RAB40B: variants seen among roughly 807,000 people sequenced by gnomAD.
RAB40B encodes the protein ras-related protein Rab-40B.
A neutral mutation model predicts 24.0 loss-of-function variants in RAB40B; 21 were observed. The ratio of observed to expected loss-of-function variants is 0.88; its 90% CI spans 0.62 to 1.26. The LOEUF is 1.26. Ranked by LOEUF, RAB40B falls within the 50% of genes most tolerant of loss-of-function variation. The pLI is 0.00. For missense variants in RAB40B, 348 were observed against 390.5 expected (o/e 0.89, Z 0.92); for synonymous variants, 167 against 169.8 (o/e 0.98, Z 0.13).
intron 1 of RAB40B, among the ~76,000 whole-genome samples, chr17:82,689,538 C>G (rs1369481130): frequency 1.3e-5 from 2 of 152,198 alleles, no homozygotes; most frequent in Non-Finnish European, 2.9e-5. Flanking sequence ...CTGCAGGACA[C>G]AGGCGAGGTG....
At chr17:82,664,145 T>G (rs1598297432) in intron 2 of RAB40B, among the ~76,000 whole-genome samples, 6 of 24,486 alleles carry the variant, frequency 2.5e-4, no homozygotes, top group East Asian at 1.1e-3. Flanking sequence ...GTGCCGATGG[T>G]GGTGGTGGGA....
chr17:82,662,151 C>A, intron 2 of RAB40B: 1 of 985,458 alleles, frequency 1.0e-6, no homozygotes, highest in African/African-American at 1.7e-5. Flanking sequence ...TCGGTGACCA[C>A]CCTCAGCACG....
At chr17:82,688,289 G>A (rs2046522451) in intron 1 of RAB40B, among the ~76,000 whole-genome samples, 1 of 151,122 alleles carries the variant, frequency 6.6e-6, no homozygotes, top group Non-Finnish European at 1.5e-5. Flanking sequence ...ACAGGTGTGA[G>A]CCACCATGCC....
intron 1 of RAB40B, among the ~76,000 whole-genome samples, chr17:82,695,986 C>T (rs1204024376): frequency 6.6e-6 from 1 of 152,104 alleles, no homozygotes; most frequent in Non-Finnish European, 1.5e-5. Flanking sequence ...TCTCCTGCCT[C>T]AGCCTCCCGA....
At chr17:82,671,383 CAT>C (rs2046331604) in intron 1 of RAB40B, among the ~76,000 whole-genome samples, 1 of 151,106 alleles carries the variant, frequency 6.6e-6, no homozygotes, top group African/African-American at 2.4e-5. Flanking sequence ...CTCTCACACA[CAT>C]CCTGTACTCA....
At chr17:82,689,356 C>T (rs993338395) in intron 1 of RAB40B, among the ~76,000 whole-genome samples, 20 of 152,214 alleles carry the variant, frequency 1.3e-4, no homozygotes, top group African/African-American at 3.4e-4. Flanking sequence ...GACTCAGGGG[C>T]GATGGGTGGG....
At chr17:82,682,970 C>T (rs574613967) in intron 1 of RAB40B, among the ~76,000 whole-genome samples, 1 of 152,164 alleles carries the variant, frequency 6.6e-6, no homozygotes, top group Non-Finnish European at 1.5e-5. Context: ...AGGTAAAACC[C>T]TGTCTCTATT....
chr17:82,675,544 C>G lies in RAB40B; in HGVS notation c.143-10988G>C, dbSNP rs2046386330. Among the ~76,000 whole-genome samples, 1 of 152,112 alleles carries G rather than the reference C, an allele frequency of 6.6e-6. No homozygotes were observed. The highest frequency in any genetic ancestry group is 2.4e-5 in the African/African-American group (1 of 41,408). Reference sequence around the variant, plus strand: ...CAGTGGGGTTGCTATAATGAAAATACCATAAGCTAGGCAGCTCCTAAACAA... The same window carrying G: ...CAGTGGGGTTGCTATAATGAAAATAGCATAAGCTAGGCAGCTCCTAAACAA... On this transcript the variant is annotated intron_variant, in intron 1 of 5. Transcript: ENST00000571995. This position sits in a 1 kb window ranked among gnomAD's most constrained non-coding sequence, Gnocchi z 4.5.
At position 82,697,871 on chromosome 17, in the gene RAB40B, T is replaced by G. The variant is rs1598323401; in HGVS notation, c.142+584A>C. Among the ~76,000 whole-genome samples the G allele has an allele frequency of 6.6e-6, 1 of 152,146 alleles. No individual in the cohort carries two copies. The highest frequency in any genetic ancestry group is 2.4e-5 in the African/African-American group (1 of 41,440). On this transcript the variant is annotated intron_variant, in intron 1 of 5. Coordinates refer to ENST00000571995, the MANE Select transcript of RAB40B (RefSeq NM_006822.3). This position sits in a 1 kb window ranked among gnomAD's most constrained non-coding sequence, Gnocchi z 4.9. ...TCCCCTCTTCCGCACGCGAGTCACCTGTGCTCCTTCCTCTCCCCCGGACAC... is the reference window on the plus strand; with the variant it reads ...TCCCCTCTTCCGCACGCGAGTCACCGGTGCTCCTTCCTCTCCCCCGGACAC...
chr17:82,673,677 T>G (rs1044739957), intron 1 of RAB40B, among the ~76,000 whole-genome samples: 1 of 152,242 alleles, frequency 6.6e-6, no homozygotes, highest in Non-Finnish European at 1.5e-5. Context: ...ACCCTCTGAA[T>G]GCAACCTGGT....
Position 82,675,768 on chromosome 17 carries a change from A to G in RAB40B, c.143-11212T>C, listed in dbSNP as rs1454649668. Among the ~76,000 whole-genome samples the G allele has an allele frequency of 6.6e-6, 1 of 152,134 alleles. No individual in the cohort carries two copies. Among genetic ancestry groups the G allele is most frequent in the Non-Finnish European group, 1.5e-5 (1 of 68,022 alleles). On this transcript the variant is annotated intron_variant, in intron 1 of 5. Coordinates refer to ENST00000571995, the MANE Select transcript of RAB40B (RefSeq NM_006822.3). This position sits in a 1 kb window ranked among gnomAD's most constrained non-coding sequence, Gnocchi z 4.5. ...CCCCACGTGACCTAATCATCTTCCA[A>G]TAGCCCCATCTTCTAACACCATCAC... is the stretch of plus-strand genomic sequence containing the variant.
At chr17:82,689,882 G>T (rs1419723072) in intron 1 of RAB40B, among the ~76,000 whole-genome samples, 2 of 151,226 alleles carry the variant, frequency 1.3e-5, no homozygotes, top group Admixed American at 1.3e-4. Context: ...GCAGAGAATT[G>T]CTTGGACCCA....
rs1367208395 is a variant in RAB40B at position 82,692,847 on chromosome 17, G to A, written c.142+5608C>T. On this transcript the variant is annotated intron_variant, in intron 1 of 5. Coordinates refer to ENST00000571995, the MANE Select transcript of RAB40B (RefSeq NM_006822.3). This position sits in a 1 kb window ranked among gnomAD's most constrained non-coding sequence, Gnocchi z 4.0. ...ACCACTGAAGGAGTGGAAAGGTGAC[G>A]TGCAGATGAGAGTGGCTATCCAGGA... Among the ~76,000 whole-genome samples, 1 of 152,142 alleles carries A rather than the reference G, an allele frequency of 6.6e-6. No individual in the cohort carries two copies. The highest frequency in any genetic ancestry group is 1.5e-5 in the Non-Finnish European group (1 of 68,034).
intron 4 of RAB40B, chr17:82,659,324 C>T (rs1447294004): frequency 8.0e-6 from 4 of 498,070 alleles, no homozygotes; most frequent in Admixed American, 3.5e-5. Flanking sequence ...CCTGACCCCA[C>T]GCATAGCCGA....
intron 1 of RAB40B, among the ~76,000 whole-genome samples, chr17:82,666,541 G>A (rs867222634): frequency 5.9e-5 from 9 of 152,010 alleles, no homozygotes; most frequent in Non-Finnish European, 1.2e-4. Context: ...TGCTGCTCCC[G>A]GCCAATAAAT....
At chr17:82,687,796 G>A (rs1454698182) in intron 1 of RAB40B, among the ~76,000 whole-genome samples, 3 of 152,202 alleles carry the variant, frequency 2.0e-5, no homozygotes, top group Non-Finnish European at 4.4e-5. Flanking sequence ...CCCCAGCCAG[G>A]CGCGGTGGCT....
At position 82,662,062 on chromosome 17, in the gene RAB40B, C is replaced by T. The variant is rs2046181237; in HGVS notation, c.204-1015G>A. On this transcript the variant is annotated intron_variant, in intron 2 of 5. Transcript: ENST00000571995. ...ATTCCCCAGTGGGCCAGGGGCTGGC[C>T]CCGCACACGAGACACAACCTCACGG... 19 of 985,330 alleles carry T rather than the reference C, an allele frequency of 1.9e-5. No homozygotes were observed. The South Asian group carries it at 8.0e-4, about 41-fold the overall frequency. The allele number at this position is 985,330 out of a possible 1,614,324, so 61.0% of individuals were successfully genotyped here. A position where few individuals can be genotyped will look rare whatever the true frequency, so the allele number is the denominator to read the frequency against.
rs1317459497 is a variant in RAB40B, at chr17:82,694,928, G to A, written c.142+3527C>T. 1.3e-5 allele frequency among the ~76,000 whole-genome samples: 2 copies of A among 151,746 alleles called. 1 individual carries two copies. Among genetic ancestry groups the A allele is most frequent in the African/African-American group, 4.9e-5 (2 of 41,052 alleles). On this transcript the variant is annotated intron_variant, in intron 1 of 5. Transcript: ENST00000571995. ...AATACTCGAGTCCTTCTGAAAAAAC[G>A]ACTGATAATGAAATCTAGGTGATTA...
At chr17:82,694,311 C>T (rs1021777715) in intron 1 of RAB40B, among the ~76,000 whole-genome samples, 1 of 151,440 alleles carries the variant, frequency 6.6e-6, no homozygotes, top group African/African-American at 2.4e-5. Flanking sequence ...AAGCAGATCA[C>T]CTGAGGTTAG....
Sources: gnomAD v4.1 joint callset for allele counts (sites outside exome capture counted in the v4.1 genomes callset) on GRCh38, gnomAD v4.1.1 for gene constraint, Gnocchi (gnomAD v3.1) non-coding constraint, MANE v1.5 for transcripts, NCBI Gene and HGNC (gene_info 2026-07-23, HGNC 2026-07-21) for gene names.